The following CDH13 variants were observed in gnomAD, a reference collection of about 807,000 sequenced individuals.
CDH13 encodes cadherin 13, also known as cadherin-13.
A neutral mutation model predicts 63.8 loss-of-function variants in CDH13; 24 were observed. The ratio of observed to expected loss-of-function variants is 0.38; its 90% confidence interval spans 0.27 to 0.53. The LOEUF (loss-of-function observed/expected upper bound fraction) is 0.53. CDH13 is among the 20% of genes least tolerant of loss of function. The pLI is 0.85. For missense variants in CDH13, 1,049 were observed against 903.1 expected, an observed-to-expected ratio of 1.16 and a Z score of -2.07; for synonymous variants, 503 against 355.3, an observed-to-expected ratio of 1.42 and a Z score of -4.67.
At chr16:82,994,939 G>A (rs531099387) in intron 2 of CDH13, among the ~76,000 whole-genome samples, 1 of 152,314 alleles carries the variant, frequency 6.6e-6, no homozygotes, top group South Asian at 2.1e-4. Context: ...TGAACTTGAT[G>A]CGGCTCCATT....
intron 1 of CDH13, among the ~76,000 whole-genome samples, chr16:82,803,036 T>C (rs1038410254): frequency 6.6e-6 from 1 of 152,222 alleles, no homozygotes; most frequent in Non-Finnish European, 1.5e-5. Flanking sequence ...TGCTATTCTA[T>C]AGTAGAAACA....
At chr16:83,222,614 C>T (rs531970633) in intron 5 of CDH13, among the ~76,000 whole-genome samples, 2 of 152,214 alleles carry the variant, frequency 1.3e-5, no homozygotes, top group Admixed American at 6.5e-5. Context: ...AGGACCCCAG[C>T]CCTCACTAGT....
chr16:83,472,566 G>A (rs931705978), intron 6 of CDH13, among the ~76,000 whole-genome samples: 2 of 152,174 alleles, frequency 1.3e-5, no homozygotes, highest in African/African-American at 4.8e-5. Flanking sequence ...AGCATCTAGT[G>A]CAGCTCTCTT....
chr16:83,184,802 A>G (rs2038461840), intron 4 of CDH13, among the ~76,000 whole-genome samples: 1 of 152,106 alleles, frequency 6.6e-6, no homozygotes. Flanking sequence ...GAGGACGGTA[A>G]TAATACCTGA....
intron 8 of CDH13, among the ~76,000 whole-genome samples, chr16:83,631,141 C>A (rs1390678121): frequency 1.3e-5 from 2 of 152,188 alleles, no homozygotes; most frequent in Admixed American, 1.3e-4. Flanking sequence ...TTGCAGCCAG[C>A]AGATGCAGTC....
rs191032371 is a variant in CDH13, at chr16:83,342,351, C to G, written c.637-2511C>G. 3.9e-3 allele frequency among the ~76,000 whole-genome samples: 599 copies of G among 152,244 alleles called. 3 individuals are homozygous for G. Among genetic ancestry groups the G allele is most frequent in the Non-Finnish European group, 7.1e-3 (486 of 68,008 alleles). On this transcript the variant is annotated intron_variant, in intron 5 of 13. Coordinates refer to ENST00000567109, the MANE Select transcript of CDH13 (RefSeq NM_001257.5). ...CATGCTGGGTTATCTTTTCTGCTAA[C>G]CACTGGATACCAGGGTGTTCAGCGT...
chr16:83,344,814 A>G (rs1403318720), intron 5 of CDH13, 48 bp from the exon 6 acceptor site: 6 of 1,596,658 alleles, frequency 3.8e-6, no homozygotes, highest in African/African-American at 1.3e-5. Context: ...TTGAATTTTC[A>G]TAATGAATTA....
rs1481187846 is a variant in CDH13 at position 83,014,754 on chromosome 16, A to ATATATATATATATATATATG, written c.158-17237_158-17236insGTATATATATATATATATAT. On this transcript the variant is annotated intron_variant, in intron 2 of 13. Coordinates refer to ENST00000567109, the MANE Select transcript of CDH13 (RefSeq NM_001257.5). ...TAAAAAAAAAAAAAAATATATATAT[A>ATATATATATATATATATATG]TATATATATATATATATATATGTAT... 4.3e-3 allele frequency among the ~76,000 whole-genome samples: 188 copies of ATATATATATATATATATATG among 43,360 alleles called. 1 individual carries two copies. The highest frequency in any genetic ancestry group is 0.011 in the Middle Eastern group (1 of 94). 28.4% of individuals were successfully genotyped at this position (43,360 alleles called of 152,430 possible).
intron 6 of CDH13, among the ~76,000 whole-genome samples, chr16:83,469,773 T>TA (rs1267049581): frequency 6.6e-6 from 1 of 152,170 alleles, no homozygotes; most frequent in African/African-American, 2.4e-5. Flanking sequence ...TTGCAACACG[T>TA]AGGCATGATT....
intron 1 of CDH13, among the ~76,000 whole-genome samples, chr16:82,822,153 C>G (rs1415503280): frequency 1.3e-5 from 2 of 152,056 alleles, no homozygotes; most frequent in African/African-American, 4.8e-5. Flanking sequence ...AAAAGATTAC[C>G]CGGGGACACA....
intron 7 of CDH13, among the ~76,000 whole-genome samples, chr16:83,596,345 A>G (rs1350843019): frequency 6.6e-6 from 1 of 152,208 alleles, no homozygotes; most frequent in Admixed American, 6.5e-5. Flanking sequence ...GGTTTACCCT[A>G]CATTCCTGTT....
intron 5 of CDH13, among the ~76,000 whole-genome samples, chr16:83,270,548 A>G (rs1251468285): frequency 6.6e-6 from 1 of 152,210 alleles, no homozygotes; most frequent in African/African-American, 2.4e-5. Flanking sequence ...AGACATGAGT[A>G]TGCAAACACC....
intron 6 of CDH13, among the ~76,000 whole-genome samples, chr16:83,478,158 T>G (rs2073657542): frequency 8.3e-6 from 1 of 120,676 alleles, no homozygotes; most frequent in African/African-American, 3.1e-5. Context: ...AGACTCCGTC[T>G]CAAAAAAAAA....
intron 4 of CDH13, among the ~76,000 whole-genome samples, chr16:83,205,691 A>C (rs2039162793): frequency 7.0e-6 from 1 of 142,922 alleles, no homozygotes; most frequent in East Asian, 2.1e-4. Context: ...TGCAACCTCC[A>C]CCTCCTGATT....
intron 7 of CDH13, among the ~76,000 whole-genome samples, chr16:83,510,723 A>G (rs563598119): frequency 3.2e-4 from 48 of 152,300 alleles, no homozygotes; most frequent in Admixed American, 7.8e-4. Flanking sequence ...ATAGAGCCAA[A>G]CTGTCTAAGC....
chr16:83,031,375 T>C (rs369501612), intron 2 of CDH13, among the ~76,000 whole-genome samples: 732 of 55,668 alleles, frequency 0.013, 41 homozygotes, highest in Admixed American at 0.068. Context: ...CATGTATATG[T>C]ATACACGTAT....
chr16:83,264,777 A>G (rs1907410190), intron 5 of CDH13, among the ~76,000 whole-genome samples: 1 of 151,522 alleles, frequency 6.6e-6, no homozygotes, highest in Non-Finnish European at 1.5e-5. Flanking sequence ...TTGTGTATGC[A>G]TTTCTCAATA....
chr16:83,652,133 A>G (rs1912440625), intron 8 of CDH13, among the ~76,000 whole-genome samples: 1 of 152,226 alleles, frequency 6.6e-6, no homozygotes, highest in South Asian at 2.1e-4. Context: ...GCTCATGGGA[A>G]TTACAGTCGG....
intron 10 of CDH13, among the ~76,000 whole-genome samples, chr16:83,693,894 C>A (rs1021669520): frequency 1.3e-5 from 2 of 152,216 alleles, no homozygotes; most frequent in Non-Finnish European, 2.9e-5. Context: ...GATACTCTGT[C>A]ACCCAAACAA....
Sources: allele counts gnomAD v4.1 joint callset (sites outside exome capture counted in the v4.1 genomes callset), GRCh38; gene constraint gnomAD v4.1.1; transcripts MANE v1.5; gene names NCBI Gene and HGNC (gene_info 2026-07-23, HGNC 2026-07-21).